The following KSR2 variants were observed in gnomAD, a reference collection of about 807,000 sequenced individuals.
KSR2 encodes the protein kinase suppressor of ras 2.
Under a neutral mutation model 107.8 loss-of-function variants are expected in KSR2, and 25 were observed. The observed-to-expected ratio is 0.23, with a 90% confidence interval of 0.17 to 0.32. The LOEUF is 0.32. Ranked by LOEUF, KSR2 falls within the 10% of genes least tolerant of loss-of-function variation. The pLI, the probability that KSR2 is intolerant of heterozygous loss-of-function variation, is 1.00. For missense variants in KSR2, 887 were observed against 1,268.9 expected, an observed-to-expected ratio of 0.70 and a Z score of 4.57; for synonymous variants, 480 against 507.0, an observed-to-expected ratio of 0.95 and a Z score of 0.71.
chr12:117,739,059 A>T (rs1050881549), intron 4 of KSR2, among the ~76,000 whole-genome samples: 3 of 152,144 alleles, frequency 2.0e-5, no homozygotes, highest in Admixed American at 6.5e-5. Flanking sequence ...AATATATTTT[A>T]AAAATAAGGT....
intron 16 of KSR2, among the ~76,000 whole-genome samples, chr12:117,480,028 ATG>A (rs55877244): frequency 0.12 from 18,215 of 148,436 alleles, 2,440 homozygotes; most frequent in African/African-American, 0.33. Context: ...ACACATGTGT[ATG>A]TGTGTGTGTG....
intron 4 of KSR2, among the ~76,000 whole-genome samples, chr12:117,694,687 T>A (rs759889044): frequency 2.0e-5 from 3 of 152,150 alleles, no homozygotes; most frequent in Non-Finnish European, 2.9e-5. Context: ...CACTGACAGA[T>A]GAATGGATGA....
chr12:117,612,116 A>G (rs2136319039), intron 5 of KSR2, among the ~76,000 whole-genome samples: 1 of 152,290 alleles, frequency 6.6e-6, no homozygotes, highest in Non-Finnish European at 1.5e-5. Context: ...TTAAAGTGGT[A>G]TATCTCATCC....
chr12:117,915,215 C>T (rs1347881125), intron 1 of KSR2, among the ~76,000 whole-genome samples: 1 of 152,238 alleles, frequency 6.6e-6, no homozygotes, highest in African/African-American at 2.4e-5. Context: ...CACAGTTCTG[C>T]AGGCCACAAG....
At chr12:117,477,089 G>T (rs1580855) in intron 16 of KSR2, among the ~76,000 whole-genome samples, 21,172 of 152,092 alleles carry the variant, frequency 0.14, 1,699 homozygotes, top group African/African-American at 0.22. Context: ...GCAGCCCTAC[G>T]AACAGGTGCC....
At chr12:117,689,824 G>A (rs1279496517) in intron 4 of KSR2, among the ~76,000 whole-genome samples, 1 of 151,986 alleles carries the variant, frequency 6.6e-6, no homozygotes, top group Non-Finnish European at 1.5e-5. Context: ...CAGAAAAAGA[G>A]CTAGATGGGT....
intron 3 of KSR2, among the ~76,000 whole-genome samples, chr12:117,771,704 G>A (rs1383398578): frequency 1.3e-5 from 2 of 152,126 alleles, no homozygotes; most frequent in Non-Finnish European, 2.9e-5. Context: ...TTATCAACAA[G>A]TAATGGATAA....
chr12:117,579,089 G>A (rs758173190), intron 7 of KSR2, 30 bp downstream of exon 7: 235 of 1,564,988 alleles, frequency 1.5e-4, no homozygotes, highest in Non-Finnish European at 1.8e-4. Flanking sequence ...CGGGTGCTGC[G>A]AAAAGTCACT....
chr12:117,777,620 C>G (rs1345756726), intron 3 of KSR2, among the ~76,000 whole-genome samples: 1 of 152,176 alleles, frequency 6.6e-6, no homozygotes, highest in Non-Finnish European at 1.5e-5. Flanking sequence ...TAATGAGGAT[C>G]GACTGTTGTT....
In KSR2 at chr12:117,453,922, C is replaced by G. The variant is rs958077003; in HGVS notation, c.*13277G>C. ...GGGTGGGGGCTGGTCTTGCCAGAGACTCTCTCACATCCTAAGAGACCTCTG... is the reference window on the plus strand; with the variant it reads ...GGGTGGGGGCTGGTCTTGCCAGAGAGTCTCTCACATCCTAAGAGACCTCTG... On this transcript the variant is annotated 3_prime_UTR_variant, in exon 20 of 20. Coordinates refer to ENST00000339824, the MANE Select transcript of KSR2 (RefSeq NM_173598.6). The G allele has an allele frequency of 3.3e-5, 5 of 152,034 alleles. No individual in the cohort carries two copies. Among genetic ancestry groups the G allele is most frequent in the Non-Finnish European group, 7.3e-5 (5 of 68,040 alleles). The allele number at this position is 152,034 out of a possible 1,614,324, so 9.4% of individuals were successfully genotyped here.
At chr12:117,493,174 A>G (rs1378095585) in intron 14 of KSR2, among the ~76,000 whole-genome samples, 1 of 152,166 alleles carries the variant, frequency 6.6e-6, no homozygotes, top group Non-Finnish European at 1.5e-5. Flanking sequence ...TATCACTAAT[A>G]ATATTACCAT....
intron 3 of KSR2, among the ~76,000 whole-genome samples, chr12:117,830,482 T>C (rs555887404): frequency 6.0e-4 from 91 of 152,100 alleles, no homozygotes; most frequent in African/African-American, 2.0e-3. Flanking sequence ...AACCTGCACA[T>C]GTACCCTCGA....
chr12:117,938,037 T>G (rs1895899489), intron 1 of KSR2, among the ~76,000 whole-genome samples: 1 of 151,748 alleles, frequency 6.6e-6, no homozygotes, highest in Non-Finnish European at 1.5e-5. Context: ...TTCATTTGGT[T>G]CCTCAAATGC....
At chr12:117,700,062 A>C (rs78431145) in intron 4 of KSR2, among the ~76,000 whole-genome samples, 1 of 119,278 alleles carries the variant, frequency 8.4e-6, no homozygotes, top group Non-Finnish European at 2.0e-5. Context: ...TTTTTTTTTT[A>C]GTAGAGACCG....
chr12:117,561,520 T>G (rs575600086), intron 7 of KSR2, among the ~76,000 whole-genome samples: 1 of 152,340 alleles, frequency 6.6e-6, no homozygotes, highest in East Asian at 1.9e-4. Context: ...TCAAATGGCC[T>G]ATAAGAGACA....
rs570869517 is a variant in KSR2 at position 117,460,027 on chromosome 12, T to G, written c.*7172A>C. 4 of 152,354 alleles carry G rather than the reference T, an allele frequency of 2.6e-5. No homozygotes were observed. In the East Asian group the frequency reaches 7.7e-4, roughly 29 times the overall value. 9.4% of individuals were successfully genotyped at this position (152,354 alleles called of 1,614,324 possible). ...CCACACAATAGTGTCTTAAAAGTTC[T>G]GATAAGTCCTGCAATCAAGAAATTA... On this transcript the variant is annotated 3_prime_UTR_variant, in exon 20 of 20. Coordinates refer to ENST00000339824, the MANE Select transcript of KSR2 (RefSeq NM_173598.6).
chr12:117,691,543 A>T (rs1350014028), intron 4 of KSR2, among the ~76,000 whole-genome samples: 1 of 152,228 alleles, frequency 6.6e-6, no homozygotes, highest in Non-Finnish European at 1.5e-5. Context: ...AGGTTGACAT[A>T]GACAGACGGC....
At chr12:117,866,038 CT>C (rs397838492) in intron 1 of KSR2, among the ~76,000 whole-genome samples, 1,618 of 124,102 alleles carry the variant, frequency 0.013, 12 homozygotes, top group Middle Eastern at 0.016. Context: ...TAATCTCTCT[CT>C]TTTTTTTTTT....
At chr12:117,632,753 A>G (rs575930479) in intron 5 of KSR2, among the ~76,000 whole-genome samples, 6 of 152,180 alleles carry the variant, frequency 3.9e-5, no homozygotes, top group African/African-American at 1.2e-4. Flanking sequence ...TGTGTGCTCA[A>G]TGTTTAGCTC....
Sources: allele counts gnomAD v4.1 joint callset (sites outside exome capture counted in the v4.1 genomes callset), GRCh38; gene constraint gnomAD v4.1.1; transcripts MANE v1.5; gene names NCBI Gene and HGNC (gene_info 2026-07-23, HGNC 2026-07-21).